Variants in MYO10 observed in about 807,000 individuals in gnomAD.
MYO10 encodes the protein unconventional myosin-X.
MYO10 carries 133 observed loss-of-function variants against 257.3 expected under a neutral mutation model. The ratio of observed to expected loss-of-function variants is 0.52; its 90% confidence interval spans 0.45 to 0.60. The LOEUF is 0.60. MYO10 is among the 20% of genes least tolerant of loss of function. MYO10 has a pLI of 0.00. For missense variants in MYO10, 2,399 were observed against 2,635.7 expected (o/e 0.91, Z 1.97); for synonymous variants, 1,104 against 1,028.6 (o/e 1.07, Z -1.40).
chr5:16,829,029 T>C lies in MYO10; in HGVS notation c.121-10862A>G, dbSNP rs370705806. ...TTAAACAGCCCCTCCCTGCGAAGAGTTTACAGTCCACTGAGGGTTCTGAAA... is the reference window on the plus strand; with the variant it reads ...TTAAACAGCCCCTCCCTGCGAAGAGCTTACAGTCCACTGAGGGTTCTGAAA... On this transcript the variant is annotated intron_variant, in intron 2 of 40. Coordinates refer to ENST00000513610, the MANE Select transcript of MYO10 (RefSeq NM_012334.3). 2.4e-4 allele frequency among the ~76,000 whole-genome samples: 36 copies of C among 151,854 alleles called. 1 individual carries two copies. In the South Asian group the frequency reaches 7.3e-3, roughly 31 times the overall value.
Position 16,701,530 on chromosome 5 carries a change from C to T in MYO10, c.2865G>A (p.Arg955=). 1 of 1,614,000 alleles carries T rather than the reference C, an allele frequency of 6.2e-7. No individual in the cohort carries two copies. The highest frequency in any genetic ancestry group is 8.5e-7 in the Non-Finnish European group (1 of 1,179,892). ...LNFDEIDECV[R]NIERSLSVGS... Reference sequence around the variant, plus strand: ...CCACCGACAGGGACCGCTCGATATTCCGGACACACTCGTCGATCTCGTCGA... The same window carrying T: ...CCACCGACAGGGACCGCTCGATATTTCGGACACACTCGTCGATCTCGTCGA... Residue 955 remains arginine, a synonymous_variant, in exon 25 of 41, where the codon CGG becomes CGA. Transcript: ENST00000513610. The surrounding 1 kb of genome is among the most constrained non-coding windows in gnomAD (Gnocchi z 8.1).
At chr5:16,830,630 T>C (rs1457914670) in intron 2 of MYO10, among the ~76,000 whole-genome samples, 3 of 151,728 alleles carry the variant, frequency 2.0e-5, no homozygotes, top group African/African-American at 4.9e-5. Flanking sequence ...TGTAATAAAA[T>C]TCTACTATGC....
At position 16,682,028 on chromosome 5, in the gene MYO10, GAGA is replaced by G. The variant is rs1737030059; in HGVS notation, c.4047-18_4047-16del. On this transcript the variant is annotated splice_polypyrimidine_tract_variant and intron_variant, in intron 30 of 40. Coordinates refer to ENST00000513610, the MANE Select transcript of MYO10 (RefSeq NM_012334.3). Reference sequence around the variant, plus strand: ...ACGAGTTGGGTCTGAGCCACAAGATGAGAAGGAAACAAAGCCCCTTAGCCCTAC... The same window carrying G: ...ACGAGTTGGGTCTGAGCCACAAGATGAGGAAACAAAGCCCCTTAGCCCTAC... 1 of 1,611,228 alleles carries G rather than the reference GAGA, an allele frequency of 6.2e-7. No individual in the cohort carries two copies. Among genetic ancestry groups the G allele is most frequent in the Non-Finnish European group, 8.5e-7 (1 of 1,179,514 alleles).
chr5:16,767,726 A>G (rs979656316), intron 10 of MYO10, among the ~76,000 whole-genome samples: 4 of 151,646 alleles, frequency 2.6e-5, no homozygotes, highest in Non-Finnish European at 5.9e-5. Context: ...CACCCAGGCT[A>G]TAGTGCACTG....
rs187272524 is a variant in MYO10 at position 16,821,745 on chromosome 5, C to T, written c.121-3578G>A. 3.7e-4 allele frequency among the ~76,000 whole-genome samples: 57 copies of T among 152,034 alleles called. 1 individual carries two copies. The East Asian group carries it at 9.3e-3, about 25-fold the overall frequency. On this transcript the variant is annotated intron_variant, in intron 2 of 40. Transcript: ENST00000513610. Reference sequence around the variant, plus strand: ...CCTCCCAAAGTGCTGGGATTACAGGCGTGAGCCACCGCGCCCGGCCCCTTT... The same window carrying T: ...CCTCCCAAAGTGCTGGGATTACAGGTGTGAGCCACCGCGCCCGGCCCCTTT...
intron 1 of MYO10, among the ~76,000 whole-genome samples, chr5:16,888,153 C>T (rs1744944711): frequency 6.6e-6 from 1 of 152,120 alleles, no homozygotes; most frequent in Non-Finnish European, 1.5e-5. Flanking sequence ...TCCACAAGTC[C>T]ATCCTTCCAC....
chr5:16,705,239 CG>C (rs1738278043), intron 21 of MYO10, among the ~76,000 whole-genome samples: 2 of 152,136 alleles, frequency 1.3e-5, no homozygotes, highest in East Asian at 3.8e-4. Flanking sequence ...AAAATATTGA[CG>C]TTAAGAACAT....
intron 3 of MYO10, among the ~76,000 whole-genome samples, chr5:16,806,439 G>A (rs1438426528): frequency 6.6e-6 from 1 of 151,352 alleles, no homozygotes; most frequent in Non-Finnish European, 1.5e-5. Context: ...GAGGTCAGGA[G>A]ATCGAGACCA....
chr5:16,907,626 G>A (rs1199270153), intron 1 of MYO10, among the ~76,000 whole-genome samples: 3 of 152,198 alleles, frequency 2.0e-5, no homozygotes, highest in Non-Finnish European at 4.4e-5. Context: ...TTTCATTACA[G>A]GATTTACATA....
intron 1 of MYO10, chr5:16,902,757 G>A (rs923853563): frequency 1.5e-5 from 10 of 659,834 alleles, no homozygotes; most frequent in African/African-American, 5.4e-5. Flanking sequence ...CCGCCTTGGC[G>A]TCCCAAAGTG....
chr5:16,781,316 G>A (rs1421705759), intron 6 of MYO10, among the ~76,000 whole-genome samples: 2 of 152,108 alleles, frequency 1.3e-5, no homozygotes, highest in Non-Finnish European at 2.9e-5. Flanking sequence ...CTGACCTCAA[G>A]TGATCTGACC....
intron 26 of MYO10, among the ~76,000 whole-genome samples, chr5:16,696,757 G>T (rs31575): frequency 0.19 from 28,252 of 151,468 alleles, 2,835 homozygotes; most frequent in East Asian, 0.29. Flanking sequence ...TCAGGAGGCT[G>T]AGCCAGAAGA....
Position 16,668,573 on chromosome 5 carries a change from T to A in MYO10, c.5884-105A>T, listed in dbSNP as rs1579780587. 7.9e-6 allele frequency: 7 copies of A among 884,684 alleles called. No homozygotes were observed. In the East Asian group the frequency reaches 1.9e-4, roughly 25 times the overall value. 54.8% of individuals were successfully genotyped at this position (884,684 alleles called of 1,614,324 possible). ...TGAGTGAAGTCCTCTGTGCAGAAGATTAAATATATTCGATGTGCATGCATG... is the reference window on the plus strand; with the variant it reads ...TGAGTGAAGTCCTCTGTGCAGAAGAATAAATATATTCGATGTGCATGCATG... On this transcript the variant is annotated intron_variant, in intron 39 of 40. Coordinates refer to ENST00000513610, the MANE Select transcript of MYO10 (RefSeq NM_012334.3).
chr5:16,818,042 G>GTT lies in MYO10; in HGVS notation c.244_245dup (p.Asn82LysfsTer23). Reference sequence around the variant, plus strand: ...GATTTCTCTTATACCGCTGGAATAAGTTATACATGATGGAGCCGCCATGGA... The same window carrying GTT: ...GATTTCTCTTATACCGCTGGAATAAGTTTTATACATGATGGAGCCGCCATGGA... On this transcript the variant is annotated frameshift_variant, in exon 3 of 41. Transcript: ENST00000513610. LOFTEE classifies it high-confidence loss of function. 1.2e-6 allele frequency: 2 copies of GTT among 1,602,664 alleles called. No homozygotes were observed. Among genetic ancestry groups the GTT allele is most frequent in the Non-Finnish European group, 1.7e-6 (2 of 1,173,428 alleles).
chr5:16,927,576 G>A (rs1439430139), intron 1 of MYO10, among the ~76,000 whole-genome samples: 6 of 152,154 alleles, frequency 3.9e-5, no homozygotes, highest in South Asian at 4.2e-4. Context: ...CTCCTGCCTC[G>A]GCCTCCCAAA....
At chr5:16,764,585 C>T (rs1459391697) in intron 11 of MYO10, among the ~76,000 whole-genome samples, 189 bp from the exon 12 acceptor site, 1 of 152,238 alleles carries the variant, frequency 6.6e-6, no homozygotes, top group East Asian at 1.9e-4. Flanking sequence ...TCACATATTT[C>T]TCTTCTGTTA....
chr5:16,867,920 T>C (rs1393339884), intron 2 of MYO10, among the ~76,000 whole-genome samples: 1 of 152,166 alleles, frequency 6.6e-6, no homozygotes, highest in East Asian at 1.9e-4. Context: ...AATCCTCAAC[T>C]AGTGAATATT....
chr5:16,690,017 T>C (rs907890044), intron 27 of MYO10, 98 bp from the exon 28 acceptor site: 3 of 866,166 alleles, frequency 3.5e-6, no homozygotes, highest in Non-Finnish European at 5.7e-6. Flanking sequence ...AGTTGGGAAC[T>C]GTCTGTTACT....
intron 10 of MYO10, among the ~76,000 whole-genome samples, chr5:16,767,237 C>T (rs1386292646): frequency 7.3e-6 from 1 of 137,728 alleles, no homozygotes; most frequent in Non-Finnish European, 1.5e-5. Context: ...GTGGCATGAT[C>T]TCGGCTCACT....
Sources: allele counts gnomAD v4.1 joint callset (sites outside exome capture counted in the v4.1 genomes callset), GRCh38; gene constraint gnomAD v4.1.1; non-coding constraint Gnocchi (gnomAD v3.1); transcripts MANE v1.5; gene names NCBI Gene and HGNC (gene_info 2026-07-23, HGNC 2026-07-21).